Variants in AKT3 observed in about 807,000 individuals in gnomAD.
The protein encoded by AKT3 is AKT serine/threonine kinase 3.
In AKT3, 15 loss-of-function variants were observed where a neutral mutation model predicts 65.3. The ratio of observed to expected loss-of-function variants is 0.23; its 90% CI spans 0.15 to 0.35. The LOEUF is 0.35. AKT3 is among the 10% of genes least tolerant of loss of function. The pLI, the probability that AKT3 is intolerant of heterozygous loss-of-function variation, is 1.00. For missense variants in AKT3, 243 were observed against 576.5 expected (o/e 0.42, Z 5.92); for synonymous variants, 206 against 183.8 (o/e 1.12, Z -0.98).
intron 6 of AKT3, among the ~76,000 whole-genome samples, chr1:243,626,556 C>T (rs1679177779): frequency 6.6e-6 from 1 of 152,138 alleles, no homozygotes; most frequent in Admixed American, 6.5e-5. Flanking sequence ...TGAGGACTGA[C>T]ACAGAACCAG....
At chr1:243,794,363 C>T (rs765025563) in intron 2 of AKT3, 1 of 152,166 alleles carries the variant, frequency 6.6e-6, no homozygotes, top group South Asian at 2.1e-4. Flanking sequence ...AAATACTATA[C>T]AATGTGATTA....
intron 2 of AKT3, among the ~76,000 whole-genome samples, chr1:243,738,692 TG>T (rs1303797447): frequency 6.6e-6 from 1 of 152,162 alleles, no homozygotes; most frequent in Non-Finnish European, 1.5e-5. Context: ...GAAATAAAGA[TG>T]GTAAACCATT....
intron 1 of AKT3, among the ~76,000 whole-genome samples, chr1:243,849,378 A>C (rs1440674107): frequency 1.8e-4 from 15 of 82,914 alleles, no homozygotes; most frequent in Admixed American, 3.6e-4. Context: ...CCCACCTCCC[A>C]CACACACACC....
intron 4 of AKT3, among the ~76,000 whole-genome samples, chr1:243,659,764 T>C (rs1234129199): frequency 2.0e-5 from 3 of 152,230 alleles, no homozygotes; most frequent in African/African-American, 7.2e-5. Context: ...ATTTAGTTTA[T>C]GACAGGTAAA....
intron 2 of AKT3, among the ~76,000 whole-genome samples, chr1:243,776,369 T>A (rs951102131): frequency 6.6e-6 from 1 of 152,204 alleles, no homozygotes; most frequent in Non-Finnish European, 1.5e-5. Flanking sequence ...TAGTGTGATA[T>A]TTGAAATGAG....
chr1:243,670,230 A>G (rs1013240005), intron 3 of AKT3, among the ~76,000 whole-genome samples: 2 of 152,208 alleles, frequency 1.3e-5, no homozygotes, highest in South Asian at 4.1e-4. Context: ...AACACATTTC[A>G]TCTCTACACC....
intron 2 of AKT3, among the ~76,000 whole-genome samples, chr1:243,756,580 G>C (rs1335446682): frequency 6.6e-6 from 1 of 152,206 alleles, no homozygotes; most frequent in Non-Finnish European, 1.5e-5. Flanking sequence ...AATAAATAAT[G>C]AATCTATGAA....
At chr1:243,537,780 C>T (rs1672032545) in intron 12 of AKT3, among the ~76,000 whole-genome samples, 1 of 152,210 alleles carries the variant, frequency 6.6e-6, no homozygotes, top group African/African-American at 2.4e-5. Context: ...CCGCTGTTTA[C>T]ATCCAGATTC....
In AKT3 at chr1:243,501,761, A is replaced by G. The variant is rs748622052; in HGVS notation, c.*3488T>C. On this transcript the variant is annotated 3_prime_UTR_variant, in exon 14 of 14. Coordinates refer to ENST00000673466, the MANE Select transcript of AKT3 (RefSeq NM_005465.7). ...CACATCCAACAACAATAAACAGAGA[A>G]GTAGCAGATTGACATAGTGCTTTAT... 2 of 232,916 alleles carry G rather than the reference A, an allele frequency of 8.6e-6. No individual in the cohort carries two copies. The highest frequency in any genetic ancestry group is 2.2e-5 in the African/African-American group (1 of 45,350). The allele number at this position is 232,916 out of a possible 1,614,324, so 14.4% of individuals were successfully genotyped here.
At chr1:243,668,180 AATAAAC>A (rs1682930618) in intron 3 of AKT3, among the ~76,000 whole-genome samples, 1 of 152,190 alleles carries the variant, frequency 6.6e-6, no homozygotes, top group East Asian at 1.9e-4. Context: ...GTAGGTACTC[AATAAAC>A]ATTTTCCAAA....
intron 2 of AKT3, among the ~76,000 whole-genome samples, chr1:243,768,078 C>T (rs1031322805): frequency 6.6e-6 from 1 of 151,092 alleles, no homozygotes; most frequent in Non-Finnish European, 1.5e-5. Context: ...ATGCCATAAA[C>T]TATAATTTAA....
intron 4 of AKT3, among the ~76,000 whole-genome samples, chr1:243,647,323 C>A (rs866558540): frequency 2.0e-5 from 3 of 152,142 alleles, no homozygotes; most frequent in African/African-American, 7.2e-5. Flanking sequence ...CTTACCATTG[C>A]ATTACAATTG....
At chr1:243,527,936 CAGAGAGAG>C (rs141407272) in intron 12 of AKT3, among the ~76,000 whole-genome samples, 115 of 38,256 alleles carry the variant, frequency 3.0e-3, no homozygotes, top group African/African-American at 8.6e-3. Context: ...CACACACACA[CAGAGAGAG>C]AGAGAGAGAG....
At chr1:243,846,509 ACAAGT>A (rs1324903690) in intron 1 of AKT3, among the ~76,000 whole-genome samples, 1 of 152,150 alleles carries the variant, frequency 6.6e-6, no homozygotes, top group Non-Finnish European at 1.5e-5. Context: ...AAACACATCA[ACAAGT>A]CAAGAAGCAT....
intron 3 of AKT3, among the ~76,000 whole-genome samples, chr1:243,679,008 C>T (rs990156581): frequency 6.6e-6 from 1 of 152,120 alleles, no homozygotes; most frequent in African/African-American, 2.4e-5. Flanking sequence ...CTAACGCCTT[C>T]TCTTTCTCCT....
intron 2 of AKT3, among the ~76,000 whole-genome samples, chr1:243,730,172 G>A (rs766684937): frequency 5.3e-5 from 8 of 152,066 alleles, no homozygotes; most frequent in South Asian, 2.1e-4. Context: ...CACTCAGCAC[G>A]CACTTCCTCC....
intron 2 of AKT3, among the ~76,000 whole-genome samples, chr1:243,746,602 C>T (rs1012031899): frequency 6.6e-5 from 10 of 152,166 alleles, no homozygotes; most frequent in African/African-American, 2.2e-4. Context: ...TAAGTCACAG[C>T]CAGGACCTCT....
intron 2 of AKT3, among the ~76,000 whole-genome samples, chr1:243,836,455 G>C (rs1328072387): frequency 6.6e-6 from 1 of 150,616 alleles, no homozygotes; most frequent in East Asian, 2.0e-4. Flanking sequence ...ATAACACTGA[G>C]TCACAGAACT....
At position 243,508,222 on chromosome 1, in the gene AKT3, G is replaced by C. The variant is rs866829846; in HGVS notation, c.1355-2888C>G. Among the ~76,000 whole-genome samples the C allele has an allele frequency of 2.6e-5, 4 of 152,280 alleles. No homozygotes were observed. The Middle Eastern group carries it at 0.01, about 388-fold the overall frequency. On this transcript the variant is annotated intron_variant, in intron 13 of 13. Transcript: ENST00000673466. Reference sequence around the variant, plus strand: ...TTATCTGCTCCTTAAGGGAATCTAGGATGTATCCAGGAACTGTCAAACTAA... The same window carrying C: ...TTATCTGCTCCTTAAGGGAATCTAGCATGTATCCAGGAACTGTCAAACTAA...
Sources: allele counts gnomAD v4.1 joint callset (sites outside exome capture counted in the v4.1 genomes callset), GRCh38; gene constraint gnomAD v4.1.1; transcripts MANE v1.5; gene names NCBI Gene and HGNC (gene_info 2026-07-23, HGNC 2026-07-21).